The following GATM variants were observed in gnomAD, a reference collection of about 807,000 sequenced individuals.
GATM encodes the protein glycine amidinotransferase.
In GATM, 23 loss-of-function variants were observed where a neutral mutation model predicts 54.2. The observed-to-expected ratio is 0.42, with a 90% CI of 0.31 to 0.60. The LOEUF (loss-of-function observed/expected upper bound fraction) is 0.60. Ranked by LOEUF, GATM falls within the 20% of genes least tolerant of loss-of-function variation. GATM has a pLI of 0.14. For synonymous variants in GATM, 168 were observed against 183.1 expected, an observed-to-expected ratio of 0.92 and a Z score of 0.67; for missense variants, 401 against 544.9, an observed-to-expected ratio of 0.74 and a Z score of 2.63.
chr15:45,386,591 C>T (rs191471231), intron 3 of GATM, among the ~76,000 whole-genome samples: 2 of 152,324 alleles, frequency 1.3e-5, no homozygotes, highest in African/African-American at 2.4e-5. Flanking sequence ...GAAGACACTT[C>T]TGCCTATCTC....
At position 45,369,483 on chromosome 15, in the gene GATM, C is replaced by T; in HGVS notation, c.327G>A (p.Lys109=). 1 of 1,614,136 alleles carries T rather than the reference C, an allele frequency of 6.2e-7. No individual in the cohort carries two copies. Among genetic ancestry groups the T allele is most frequent in the South Asian group, 1.1e-5 (1 of 91,072 alleles). The change falls in exon 3 of 9, where the codon AAG becomes AAA. Residue 109 remains lysine, a synonymous_variant. Transcript: ENST00000396659. ...CTTTGGGAAAATAATGCCCTCCTTG[C>T]TTCTGGTAAAATGGCCAGTACTTTT... is the stretch of plus-strand genomic sequence containing the variant. ...TYEKYWPFYQ[K]QGGHYFPKDH...
At chr15:45,374,180 A>C (rs1889589979) in intron 2 of GATM, among the ~76,000 whole-genome samples, 1 of 152,266 alleles carries the variant, frequency 6.6e-6, no homozygotes, top group Admixed American at 6.5e-5. Flanking sequence ...CAAATAGCTA[A>C]GTAACCGAGA....
intron 2 of GATM, among the ~76,000 whole-genome samples, chr15:45,371,043 G>A (rs1216540765): frequency 6.6e-6 from 1 of 152,206 alleles, no homozygotes. Flanking sequence ...AAAGGGCTGG[G>A]ATTATAGGTG....
upstream of GATM, among the ~76,000 whole-genome samples, chr15:45,382,499 T>C (rs889065468): frequency 1.1e-4 from 16 of 152,008 alleles, no homozygotes; most frequent in African/African-American, 3.4e-4. Context: ...CCATCTCTAC[T>C]AAAAATACAA....
At chr15:45,401,570 GA>G (rs3840832) in intron 1 of GATM, among the ~76,000 whole-genome samples, 71,219 of 150,710 alleles carry the variant, frequency 0.47, 21,455 homozygotes, top group East Asian at 0.83. Flanking sequence ...AAAGCAGCTG[GA>G]AAAAAAAAAT....
chr15:45,364,529 T>C (rs1254498387), intron 7 of GATM: 8 of 409,478 alleles, frequency 2.0e-5, no homozygotes. Flanking sequence ...AGCAAGACAC[T>C]GTCTCAAAAA....
upstream of GATM, among the ~76,000 whole-genome samples, chr15:45,380,756 T>C (rs2140664978): frequency 6.6e-6 from 1 of 152,268 alleles, no homozygotes; most frequent in South Asian, 2.1e-4. Context: ...GAAAAACTCA[T>C]AGCCAAAGAG....
chr15:45,388,150 C>G (rs1289974494), intron 3 of GATM, among the ~76,000 whole-genome samples: 1 of 152,176 alleles, frequency 6.6e-6, no homozygotes, highest in Non-Finnish European at 1.5e-5. Flanking sequence ...CTATACCAGA[C>G]TGATTAAGTG....
rs1889493341 is a variant in GATM at position 45,368,988 on chromosome 15, G to A, written c.484+338C>T. 6.6e-6 allele frequency among the ~76,000 whole-genome samples: 1 copy of A among 152,092 alleles called. No homozygotes were observed. Among genetic ancestry groups the A allele is most frequent in the Admixed American group, 6.5e-5 (1 of 15,272 alleles). The stretch of plus-strand genomic sequence containing the variant: ...GGCACAAGAACAGTCATGCAGCAAT[G>A]TCAGTTAAAAATAAAATGGAAATGT... On this transcript the variant is annotated intron_variant, in intron 3 of 8. Transcript: ENST00000396659. The surrounding 1 kb of genome is among the most constrained non-coding windows in gnomAD (Gnocchi z 5.1).
chr15:45,373,517 CTA>C (rs3047502), intron 2 of GATM, among the ~76,000 whole-genome samples: 48,617 of 149,144 alleles, frequency 0.33, 8,889 homozygotes, highest in East Asian at 0.83. Context: ...AAATATATAT[CTA>C]TATATATATA....
intron 2 of GATM, among the ~76,000 whole-genome samples, chr15:45,397,585 C>A (rs549059258): frequency 6.6e-6 from 1 of 152,296 alleles, no homozygotes; most frequent in Admixed American, 6.5e-5. Context: ...CCCTTTGTAT[C>A]CCCTGGCTGT....
At chr15:45,378,134 A>C in intron 1 of GATM, 2 of 434,966 alleles carry the variant, frequency 4.6e-6, no homozygotes, top group African/African-American at 2.1e-5. Flanking sequence ...GCAGACAGCA[A>C]GTGGACCCCA....
intron 2 of GATM, among the ~76,000 whole-genome samples, chr15:45,371,660 T>C: frequency 6.6e-6 from 1 of 152,212 alleles, no homozygotes; most frequent in East Asian, 1.9e-4. Flanking sequence ...GCTAGCTATC[T>C]GGACAAGCAG....
rs993789759 is a variant in GATM at position 45,361,898 on chromosome 15, A to C, written c.*211T>G. ...TTTTATACTTGAAGCCAAATAGTAAATAACTTTAGGAGTAGAGAGTAATAC... is the reference window on the plus strand; with the variant it reads ...TTTTATACTTGAAGCCAAATAGTAACTAACTTTAGGAGTAGAGAGTAATAC... On this transcript the variant is annotated 3_prime_UTR_variant, in exon 9 of 9. Coordinates refer to ENST00000396659, the MANE Select transcript of GATM (RefSeq NM_001482.3). The C allele has an allele frequency of 2.8e-5, 16 of 569,332 alleles. No individual in the cohort carries two copies. Among genetic ancestry groups the C allele is most frequent in the Non-Finnish European group, 5.0e-5 (16 of 321,370 alleles). The allele number at this position is 569,332 out of a possible 1,614,324, so 35.3% of individuals were successfully genotyped here.
chr15:45,377,697 C>G, intron 1 of GATM: 1 of 164,608 alleles, frequency 6.1e-6, no homozygotes, highest in Non-Finnish European at 1.3e-5. Context: ...GTTCAGGAAC[C>G]AGTTGCTGGG....
Position 45,377,214 on chromosome 15 carries a change from A to G in GATM, c.70-395T>C, listed in dbSNP as rs1317783676. The G allele has an allele frequency of 6.1e-6, 3 of 490,772 alleles. No individual in the cohort carries two copies. In the East Asian group the frequency reaches 1.7e-4, roughly 28 times the overall value. 30.4% of individuals were successfully genotyped at this position (490,772 alleles called of 1,614,324 possible). The stretch of plus-strand genomic sequence containing the variant: ...TGCTCTAAAACTTCCCGCCAGTCTC[A>G]GCTGGGGACGGAACCTCCTTTTCCC... On this transcript the variant is annotated intron_variant, in intron 1 of 8. Coordinates refer to ENST00000396659, the MANE Select transcript of GATM (RefSeq NM_001482.3).
intron 3 of GATM, among the ~76,000 whole-genome samples, chr15:45,389,637 T>G (rs1282520965): frequency 1.3e-5 from 2 of 152,054 alleles, no homozygotes; most frequent in African/African-American, 4.8e-5. Flanking sequence ...AGAGATGGGT[T>G]TTTGCCATGT....
At chr15:45,371,555 AT>A (rs997608018) in intron 2 of GATM, among the ~76,000 whole-genome samples, 9 of 152,174 alleles carry the variant, frequency 5.9e-5, no homozygotes, top group African/African-American at 2.2e-4. Context: ...GGATATTCTC[AT>A]TTGGTTTCCC....
rs1171642313 is a variant in GATM, at chr15:45,368,147, T to C, written c.598A>G (p.Ile200Val). Residue 200 changes from isoleucine (I) to valine (V), a missense_variant, in exon 4 of 9, where the codon ATC (isoleucine) becomes GTC (valine). This residue lies in a region of GATM where 321 missense variants were observed against 457.5 expected (regional missense o/e 0.70). Coordinates refer to ENST00000396659, the MANE Select transcript of GATM (RefSeq NM_001482.3). This position sits in a 1 kb window ranked among gnomAD's most constrained non-coding sequence, Gnocchi z 5.1. ...GCGCCACGGTGGAAGTAGTCTTTGA[T>C]AATTGACCTGTACGCTCGGTACTCA... ...FFEYRAYRSIIKDYFHRGAKW... is the reference protein window; with the variant it reads ...FFEYRAYRSIVKDYFHRGAKW... The C allele has an allele frequency of 6.2e-7, 1 of 1,613,982 alleles. No homozygotes were observed. Among genetic ancestry groups the C allele is most frequent in the Non-Finnish European group, 8.5e-7 (1 of 1,180,014 alleles).
Sources: allele counts gnomAD v4.1 joint callset (sites outside exome capture counted in the v4.1 genomes callset), GRCh38; gene constraint gnomAD v4.1.1; regional missense constraint gnomAD v4.1.1; non-coding constraint Gnocchi (gnomAD v3.1); transcripts MANE v1.5; gene names NCBI Gene and HGNC (gene_info 2026-07-23, HGNC 2026-07-21).